Variants in RIMS2 observed in about 807,000 individuals in gnomAD.
The protein encoded by RIMS2 is regulating synaptic membrane exocytosis 2, also known as regulating synaptic membrane exocytosis protein 2.
A neutral mutation model predicts 174.4 loss-of-function variants in RIMS2; 59 were observed. That is an observed-to-expected ratio of 0.34 (90% CI 0.27 to 0.42). The LOEUF (loss-of-function observed/expected upper bound fraction) is 0.42, where lower values mean the gene tolerates loss of function less well. RIMS2 is among the 10% of genes least tolerant of loss of function. The pLI is 1.00. For missense variants in RIMS2, 1,620 were observed against 1,666.3 expected (o/e 0.97, Z 0.48); for synonymous variants, 606 against 572.5 (o/e 1.06, Z -0.84).
At chr8:103,958,084 C>G (rs1326551828) in intron 14 of RIMS2, among the ~76,000 whole-genome samples, 1 of 152,102 alleles carries the variant, frequency 6.6e-6, no homozygotes, top group African/African-American at 2.4e-5. Flanking sequence ...ATCATTCTAC[C>G]ATAATGACAC....
chr8:103,673,428 T>C (rs1236904244), intron 1 of RIMS2, among the ~76,000 whole-genome samples: 1 of 152,214 alleles, frequency 6.6e-6, no homozygotes, highest in Non-Finnish European at 1.5e-5. Context: ...GACACTGTGC[T>C]TTTTCATACA....
chr8:103,541,182 C>T (rs758593896), intron 1 of RIMS2, among the ~76,000 whole-genome samples: 4 of 152,128 alleles, frequency 2.6e-5, no homozygotes, highest in African/African-American at 4.8e-5. Context: ...AGTCCATAAA[C>T]GACCACATCA....
chr8:104,053,874 A>G lies in RIMS2; in HGVS notation c.3334+39259A>G, dbSNP rs1015422809. Among the ~76,000 whole-genome samples the G allele has an allele frequency of 7.9e-5, 12 of 152,216 alleles. No homozygotes were observed. The East Asian group carries it at 1.9e-3, about 24-fold the overall frequency. On this transcript the variant is annotated intron_variant, in intron 19 of 23. Transcript: ENST00000504942. ...CGAGAAGGCCAAACCAAGAATGGGG[A>G]CACTGTGCAGAGAATATTATGAGAG...
intron 19 of RIMS2, among the ~76,000 whole-genome samples, chr8:104,235,053 C>T (rs571714407): frequency 2.0e-5 from 3 of 152,150 alleles, no homozygotes; most frequent in East Asian, 3.9e-4. Flanking sequence ...ATCATAAATA[C>T]GTTACCATCA....
chr8:104,219,707 T>C (rs930280783), intron 19 of RIMS2, among the ~76,000 whole-genome samples: 5 of 152,210 alleles, frequency 3.3e-5, no homozygotes, highest in South Asian at 2.1e-4. Flanking sequence ...ACTTTTTCTC[T>C]ATAAATTAAT....
At chr8:104,234,135 A>G (rs1229233660) in intron 19 of RIMS2, among the ~76,000 whole-genome samples, 1 of 152,172 alleles carries the variant, frequency 6.6e-6, no homozygotes, top group East Asian at 1.9e-4. Context: ...TACGTGTTGT[A>G]TACTCTATGG....
chr8:103,857,537 T>G (rs933223108), intron 3 of RIMS2, among the ~76,000 whole-genome samples: 10 of 152,190 alleles, frequency 6.6e-5, no homozygotes, highest in African/African-American at 2.4e-4. Flanking sequence ...TTTGTTTATT[T>G]TAGGATATGT....
At chr8:104,080,303 G>T (rs1323536975) in intron 19 of RIMS2, among the ~76,000 whole-genome samples, 2 of 152,004 alleles carry the variant, frequency 1.3e-5, no homozygotes, top group East Asian at 3.8e-4. Flanking sequence ...GTTTTAATCA[G>T]TCTCATCATT....
intron 19 of RIMS2, among the ~76,000 whole-genome samples, chr8:104,161,575 C>T (rs918563272): frequency 1.3e-5 from 2 of 152,152 alleles, no homozygotes; most frequent in East Asian, 1.9e-4. Flanking sequence ...TAAGGGACAA[C>T]TTTTTTTAGA....
chr8:103,604,020 A>G (rs1243579245), intron 1 of RIMS2, among the ~76,000 whole-genome samples: 1 of 149,492 alleles, frequency 6.7e-6, no homozygotes, highest in African/African-American at 2.5e-5. Context: ...CCATTTGTCT[A>G]TTTTGTCTTT....
At chr8:104,149,906 A>G (rs2098675619) in intron 19 of RIMS2, among the ~76,000 whole-genome samples, 1 of 152,140 alleles carries the variant, frequency 6.6e-6, no homozygotes, top group Non-Finnish European at 1.5e-5. Flanking sequence ...GTTGTAACTA[A>G]AGATATTTAA....
At position 103,608,846 on chromosome 8, in the gene RIMS2, T is replaced by C. The variant is rs571824183; in HGVS notation, c.177-88240T>C. On this transcript the variant is annotated intron_variant, in intron 1 of 23. Coordinates refer to ENST00000504942, the Ensembl canonical transcript of RIMS2. ...AGTGAGGCAATGCCTCGCCCTGCTT[T>C]GGCTCGCGCACGGTGCACGCACCCA... is the stretch of plus-strand genomic sequence containing the variant. 5.3e-5 allele frequency among the ~76,000 whole-genome samples: 8 copies of C among 152,340 alleles called. No homozygotes were observed. In the East Asian group the frequency reaches 7.7e-4, roughly 15 times the overall value.
chr8:104,083,836 A>T (rs1010862035), intron 19 of RIMS2, among the ~76,000 whole-genome samples: 2 of 152,164 alleles, frequency 1.3e-5, no homozygotes, highest in Non-Finnish European at 2.9e-5. Flanking sequence ...ATTTCAGATG[A>T]CATGAGTTTG....
chr8:104,046,687 A>G (rs1179483274), intron 19 of RIMS2, among the ~76,000 whole-genome samples: 1 of 152,012 alleles, frequency 6.6e-6, no homozygotes, highest in Non-Finnish European at 1.5e-5. Flanking sequence ...GTGTGCATTG[A>G]TTACATCCTT....
At chr8:104,018,224 CTG>C (rs1453952180) in intron 19 of RIMS2, among the ~76,000 whole-genome samples, 1 of 152,074 alleles carries the variant, frequency 6.6e-6, no homozygotes, top group African/African-American at 2.4e-5. Flanking sequence ...AATGAAGAAA[CTG>C]AGCATGTGGA....
intron 2 of RIMS2, among the ~76,000 whole-genome samples, chr8:103,752,661 G>T (rs370734797): frequency 2.0e-5 from 3 of 152,102 alleles, no homozygotes; most frequent in Admixed American, 6.6e-5. Context: ...CCCTTGTAAG[G>T]TGGATTCCTA....
At position 103,578,913 on chromosome 8, in the gene RIMS2, C is replaced by T. The variant is rs147420511; in HGVS notation, c.176+77851C>T. On this transcript the variant is annotated intron_variant, in intron 1 of 23. Transcript: ENST00000504942. ...AAGCTGAGGCAGGAGAATCACCCAA[C>T]TGGAAGGTGGAGGTTGCACTGAGCT... Among the ~76,000 whole-genome samples the T allele has an allele frequency of 6.1e-3, 930 of 151,848 alleles. 12 individuals carry two copies. The highest frequency in any genetic ancestry group is 0.021 in the African/African-American group (881 of 41,354).
At chr8:103,544,632 G>T (rs954713104) in intron 1 of RIMS2, among the ~76,000 whole-genome samples, 1 of 152,250 alleles carries the variant, frequency 6.6e-6, no homozygotes, top group Non-Finnish European at 1.5e-5. Flanking sequence ...ACAATGCCAT[G>T]TTCCTGTGGG....
chr8:103,959,578 T>C (rs886780020), intron 14 of RIMS2, among the ~76,000 whole-genome samples: 1 of 151,966 alleles, frequency 6.6e-6, no homozygotes, highest in Non-Finnish European at 1.5e-5. Flanking sequence ...TAATATTTTT[T>C]TTCTTTTTTT....
Sources: gnomAD v4.1 joint callset for allele counts (sites outside exome capture counted in the v4.1 genomes callset) on GRCh38, gnomAD v4.1.1 for gene constraint, MANE v1.5 for transcripts, NCBI Gene and HGNC (gene_info 2026-07-23, HGNC 2026-07-21) for gene names.